SLC18A2: variants seen among roughly 807,000 people sequenced by gnomAD.
SLC18A2 encodes the protein synaptic vesicular amine transporter.
A neutral mutation model predicts 59.2 loss-of-function variants in SLC18A2; 33 were observed. The observed-to-expected ratio is 0.56, with a 90% CI of 0.42 to 0.75. The LOEUF (loss-of-function observed/expected upper bound fraction) is 0.75, where lower values mean the gene tolerates loss of function less well. Among genes scored for constraint, SLC18A2 ranks in the 30% least tolerant of loss-of-function variants. The probability of loss-of-function intolerance (pLI) is 0.00; values close to 1 mark genes in which losing one functional copy is unlikely to be tolerated. For synonymous variants in SLC18A2, 228 were observed against 253.5 expected (o/e 0.90, Z 0.95); for missense variants, 569 against 668.6 (o/e 0.85, Z 1.64).
chr10:117,268,973 CAA>C (rs1565008602), intron 13 of SLC18A2, among the ~76,000 whole-genome samples: 7 of 100,264 alleles, frequency 7.0e-5, no homozygotes, highest in East Asian at 2.4e-4. Flanking sequence ...CACTCATACA[CAA>C]ACACACACAT....
intron 15 of SLC18A2, among the ~76,000 whole-genome samples, chr10:117,276,073 T>A (rs1178343488): frequency 6.6e-6 from 1 of 151,734 alleles, no homozygotes; most frequent in Non-Finnish European, 1.5e-5. Context: ...GGAAGATCAC[T>A]TGAGCCCAGG....
intron 15 of SLC18A2, among the ~76,000 whole-genome samples, chr10:117,274,996 G>T (rs1419179534): frequency 6.6e-6 from 1 of 152,130 alleles, no homozygotes; most frequent in African/African-American, 2.4e-5. Context: ...TGAGGACAGG[G>T]CCCTCAAATT....
At chr10:117,245,694 C>T (rs1435220266) in intron 3 of SLC18A2, among the ~76,000 whole-genome samples, 1 of 152,038 alleles carries the variant, frequency 6.6e-6, no homozygotes, top group Non-Finnish European at 1.5e-5. Context: ...GAGCAGAGCC[C>T]TGTGCGACTC....
intron 3 of SLC18A2, among the ~76,000 whole-genome samples, chr10:117,247,324 A>G (rs185917547): frequency 6.6e-6 from 1 of 152,350 alleles, no homozygotes; most frequent in African/African-American, 2.4e-5. Context: ...CAGAGCTTGC[A>G]GAGACTTTTC....
At chr10:117,276,251 T>G (rs1313105903) in intron 15 of SLC18A2, among the ~76,000 whole-genome samples, 2 of 152,066 alleles carry the variant, frequency 1.3e-5, no homozygotes, top group Non-Finnish European at 2.9e-5. Context: ...ATCGCACCAC[T>G]GCACTATGGC....
rs1258347534 is a variant in SLC18A2, at chr10:117,278,590, C to T, written c.*1324C>T. On this transcript the variant is annotated 3_prime_UTR_variant, in exon 16 of 16. Transcript: ENST00000644641. Reference sequence around the variant, plus strand: ...AATGTCTCTAATACTACTTGTGAATCCTGCAGTTCTATAATCATAAACAAA... The same window carrying T: ...AATGTCTCTAATACTACTTGTGAATTCTGCAGTTCTATAATCATAAACAAA... 2 of 152,030 alleles carry T rather than the reference C, an allele frequency of 1.3e-5. No homozygotes were observed. The highest frequency in any genetic ancestry group is 2.9e-5 in the Non-Finnish European group (2 of 68,012). The allele number at this position is 152,030 out of a possible 1,614,324, so 9.4% of individuals were successfully genotyped here.
intron 2 of SLC18A2, among the ~76,000 whole-genome samples, chr10:117,242,402 G>A (rs947196831): frequency 2.6e-5 from 4 of 151,748 alleles, no homozygotes; most frequent in African/African-American, 9.7e-5. Context: ...CCTTAATTAG[G>A]CCCATTAACA....
intron 3 of SLC18A2, among the ~76,000 whole-genome samples, chr10:117,251,612 A>T (rs1409160978): frequency 6.6e-6 from 1 of 152,168 alleles, no homozygotes; most frequent in East Asian, 1.9e-4. Context: ...CTTGTGAGTT[A>T]CTCTCTGTAT....
intron 3 of SLC18A2, among the ~76,000 whole-genome samples, chr10:117,252,406 C>G (rs1007681146): frequency 1.3e-5 from 2 of 151,980 alleles, no homozygotes; most frequent in African/African-American, 4.8e-5. Flanking sequence ...TCCTGAGGGT[C>G]CAGAGCTAGA....
Position 117,253,472 on chromosome 10 carries a change from T to C in SLC18A2, c.523+15T>C. On this transcript the variant is annotated intron_variant, in intron 4 of 15. Transcript: ENST00000644641. ...CTCAACAATTAGTAAGTGTGTGGTG[T>C]TTTCCTTCTGAGTGTGGGTCTCATC... 3 of 1,606,288 alleles carry C rather than the reference T, an allele frequency of 1.9e-6. No individual in the cohort carries two copies. Among genetic ancestry groups the C allele is most frequent in the African/African-American group, 1.3e-5 (1 of 74,550 alleles).
chr10:117,250,217 C>T (rs191637100), intron 3 of SLC18A2, among the ~76,000 whole-genome samples: 9 of 152,250 alleles, frequency 5.9e-5, no homozygotes, highest in East Asian at 1.9e-4. Flanking sequence ...TGATGCCCAG[C>T]GCTTACCACT....
At chr10:117,264,256 G>A (rs753556606) in intron 10 of SLC18A2, among the ~76,000 whole-genome samples, 1 of 152,220 alleles carries the variant, frequency 6.6e-6, no homozygotes, top group Non-Finnish European at 1.5e-5. Flanking sequence ...CATGGCCCAG[G>A]GCACTGTTGC....
chr10:117,265,880 A>G (rs978069238), intron 10 of SLC18A2, among the ~76,000 whole-genome samples: 2 of 152,162 alleles, frequency 1.3e-5, no homozygotes, highest in African/African-American at 4.8e-5. Context: ...ACCTGAGGTC[A>G]GGAGTTTGAG....
intron 5 of SLC18A2, 67 bp downstream of exon 5, chr10:117,254,198 G>T: frequency 6.7e-7 from 1 of 1,496,744 alleles, no homozygotes. Context: ...CTCATTCAGG[G>T]AATTCAGGTA....
intron 3 of SLC18A2, among the ~76,000 whole-genome samples, chr10:117,245,748 C>T (rs924371381): frequency 9.9e-5 from 15 of 151,948 alleles, no homozygotes; most frequent in Non-Finnish European, 2.9e-5. Context: ...GGGGTGGTGG[C>T]TGGGGCTCAA....
chr10:117,267,088 C>A (rs180874169), intron 12 of SLC18A2, 53 bp downstream of exon 12: 2 of 1,397,008 alleles, frequency 1.4e-6, no homozygotes, highest in Admixed American at 1.8e-5. Context: ...ATAAAACTTG[C>A]GCTTTGGGCA....
At position 117,267,367 on chromosome 10, in the gene SLC18A2, C is replaced by T. The variant is rs1029435367; in HGVS notation, c.1123-306C>T. 3.8e-5 allele frequency: 17 copies of T among 444,222 alleles called. No homozygotes were observed. The South Asian group carries it at 7.0e-4, about 18-fold the overall frequency. 27.5% of individuals were successfully genotyped at this position (444,222 alleles called of 1,614,324 possible). Reference sequence around the variant, plus strand: ...TTTTTCTAGAATAAAATCTCTTCTACCAATGGCCAATATCCATCCCTCATG... The same window carrying T: ...TTTTTCTAGAATAAAATCTCTTCTATCAATGGCCAATATCCATCCCTCATG... On this transcript the variant is annotated intron_variant, in intron 12 of 15. Transcript: ENST00000644641.
rs900270835 is a variant in SLC18A2 at position 117,270,813 on chromosome 10, G to T, written c.1440+350G>T. 3.3e-5 allele frequency among the ~76,000 whole-genome samples: 5 copies of T among 152,242 alleles called. No individual in the cohort carries two copies. The South Asian group carries it at 1.0e-3, about 32-fold the overall frequency. ...TCTGCCTCCTGTACTTATGCCCAAG[G>T]TTAGCCATTTGTGGTGCTGTTGCTT... On this transcript the variant is annotated intron_variant, in intron 15 of 15. Coordinates refer to ENST00000644641, the MANE Select transcript of SLC18A2 (RefSeq NM_003054.6).
chr10:117,255,771 A>G, intron 9 of SLC18A2, 114 bp downstream of exon 9: 1 of 908,990 alleles, frequency 1.1e-6, no homozygotes, highest in Non-Finnish European at 1.7e-6. Flanking sequence ...ATGTTGGGCT[A>G]TATAAAAAAA....
Sources: gnomAD v4.1 joint callset for allele counts (sites outside exome capture counted in the v4.1 genomes callset) on GRCh38, gnomAD v4.1.1 for gene constraint, MANE v1.5 for transcripts, NCBI Gene and HGNC (gene_info 2026-07-23, HGNC 2026-07-21) for gene names.